L3MBTL4: variants seen among roughly 807,000 people sequenced by gnomAD.
The protein encoded by L3MBTL4 is L3MBTL histone methyl-lysine binding protein 4.
In L3MBTL4, 70 loss-of-function variants were observed where a neutral mutation model predicts 84.5. The observed-to-expected ratio is 0.83, with a 90% CI of 0.68 to 1.01. L3MBTL4 has a LOEUF of 1.01. Ranked by LOEUF, L3MBTL4 falls within the 50% of genes least tolerant of loss-of-function variation. The pLI is 0.00. For synonymous variants in L3MBTL4, 274 were observed against 259.8 expected, an observed-to-expected ratio of 1.05 and a Z score of -0.52; for missense variants, 715 against 754.8, an observed-to-expected ratio of 0.95 and a Z score of 0.62.
At chr18:5,998,460 C>T (rs2054075400) in intron 16 of L3MBTL4, among the ~76,000 whole-genome samples, 1 of 152,148 alleles carries the variant, frequency 6.6e-6, no homozygotes, top group Non-Finnish European at 1.5e-5. Flanking sequence ...CCTGGAGGGG[C>T]CCTTCAGGAA....
intron 16 of L3MBTL4, among the ~76,000 whole-genome samples, chr18:6,052,790 G>C (rs1051113540): frequency 1.3e-5 from 2 of 152,164 alleles, no homozygotes; most frequent in African/African-American, 4.8e-5. Context: ...TAGGCTAATG[G>C]ACATAAAGAA....
intron 1 of L3MBTL4, among the ~76,000 whole-genome samples, chr18:6,332,583 T>C (rs747465573): frequency 2.6e-5 from 4 of 152,222 alleles, no homozygotes; most frequent in African/African-American, 4.8e-5. Context: ...AGAAATACTG[T>C]GCAGAAGAAC....
chr18:5,969,036 C>T lies in L3MBTL4; in HGVS notation c.1614+357G>A, dbSNP rs2052498371. Among the ~76,000 whole-genome samples, 4 of 152,220 alleles carry T rather than the reference C, an allele frequency of 2.6e-5. No homozygotes were observed. In the South Asian group the frequency reaches 8.3e-4, roughly 32 times the overall value. Reference sequence around the variant, plus strand: ...GAGCACACGTGCCTAGGATGCAAGCCTCAGATGCTTGCACATTTGTGCTTG... The same window carrying T: ...GAGCACACGTGCCTAGGATGCAAGCTTCAGATGCTTGCACATTTGTGCTTG... On this transcript the variant is annotated intron_variant, in intron 17 of 18. Transcript: ENST00000317931.
At chr18:6,045,376 T>A (rs528500444) in intron 16 of L3MBTL4, among the ~76,000 whole-genome samples, 3 of 152,196 alleles carry the variant, frequency 2.0e-5, no homozygotes, top group Non-Finnish European at 4.4e-5. Flanking sequence ...CAAGAGATCC[T>A]TAAGGAAGGT....
At chr18:6,172,038 T>G in intron 12 of L3MBTL4, 96 bp from the exon 13 acceptor site, 1 of 583,742 alleles carries the variant, frequency 1.7e-6, no homozygotes, top group South Asian at 2.4e-5. Flanking sequence ...AAGCTGAGAT[T>G]GAAATTTTAT....
intron 16 of L3MBTL4, among the ~76,000 whole-genome samples, chr18:6,006,986 A>C (rs1012199835): frequency 1.3e-5 from 2 of 152,164 alleles, no homozygotes; most frequent in African/African-American, 4.8e-5. Flanking sequence ...TACAACCCAT[A>C]AAAAAAGTTG....
At chr18:6,012,440 T>C (rs894979241) in intron 16 of L3MBTL4, among the ~76,000 whole-genome samples, 10 of 152,176 alleles carry the variant, frequency 6.6e-5, no homozygotes, top group African/African-American at 2.4e-4. Context: ...ACATCAGATT[T>C]TAATGTCAGT....
chr18:6,027,458 C>T (rs995703267), intron 16 of L3MBTL4, among the ~76,000 whole-genome samples: 2 of 152,144 alleles, frequency 1.3e-5, no homozygotes, highest in East Asian at 3.9e-4. Flanking sequence ...TGGGTTGGTT[C>T]TAAGTCTTTG....
chr18:5,982,015 G>A (rs78283012), intron 16 of L3MBTL4, among the ~76,000 whole-genome samples: 1 of 146,836 alleles, frequency 6.8e-6, no homozygotes, highest in African/African-American at 2.5e-5. Context: ...TGTGTTTTGG[G>A]AAAAAAAAGG....
At chr18:6,159,833 A>C (rs77347500) in intron 13 of L3MBTL4, among the ~76,000 whole-genome samples, 3,003 of 152,328 alleles carry the variant, frequency 0.02, 93 homozygotes, top group African/African-American at 0.068. Flanking sequence ...TAAAAAATGA[A>C]TATTTTGTCT....
chr18:6,193,786 T>C (rs2045243849), intron 12 of L3MBTL4, among the ~76,000 whole-genome samples: 1 of 152,154 alleles, frequency 6.6e-6, no homozygotes, highest in African/African-American at 2.4e-5. Context: ...ACTGGAGAGA[T>C]TGAGTCATAG....
intron 4 of L3MBTL4, among the ~76,000 whole-genome samples, chr18:6,290,370 A>G (rs1021134308): frequency 1.3e-5 from 2 of 150,060 alleles, no homozygotes; most frequent in Admixed American, 6.6e-5. Context: ...TAGGTTTTTG[A>G]TTACTTAAAA....
intron 1 of L3MBTL4, among the ~76,000 whole-genome samples, chr18:6,386,500 G>C (rs377219457): frequency 6.6e-6 from 1 of 152,222 alleles, no homozygotes; most frequent in Non-Finnish European, 1.5e-5. Context: ...CAAAGTTCCA[G>C]TCTTCACAGA....
At chr18:6,155,418 G>C (rs2043061529) in intron 13 of L3MBTL4, among the ~76,000 whole-genome samples, 1 of 152,190 alleles carries the variant, frequency 6.6e-6, no homozygotes. Context: ...CTTTGTATCT[G>C]CAACACCTAG....
At chr18:5,984,522 T>C (rs2053382823) in intron 16 of L3MBTL4, among the ~76,000 whole-genome samples, 1 of 152,240 alleles carries the variant, frequency 6.6e-6, no homozygotes, top group South Asian at 2.1e-4. Context: ...ATATGCTTAA[T>C]TATGTTGCTG....
At chr18:6,199,346 A>T (rs550427602) in intron 12 of L3MBTL4, among the ~76,000 whole-genome samples, 47 of 152,238 alleles carry the variant, frequency 3.1e-4, no homozygotes, top group African/African-American at 1.1e-3. Context: ...AATTCATTAA[A>T]CTCAACTGAA....
rs182155277 is a variant in L3MBTL4 at position 6,183,276 on chromosome 18, G to A, written c.982-11334C>T. On this transcript the variant is annotated intron_variant, in intron 12 of 18. Transcript: ENST00000317931. ...AAGAAAAACCTCCTTCATAACCAGT[G>A]TAAAGACAAATGATCTCCAAATCAG... is the stretch of plus-strand genomic sequence containing the variant. Among the ~76,000 whole-genome samples, 40 of 152,282 alleles carry A rather than the reference G, an allele frequency of 2.6e-4. 1 individual carries two copies. Among genetic ancestry groups the A allele is most frequent in the African/African-American group, 8.7e-4 (36 of 41,564 alleles).
chr18:6,149,666 C>T (rs1598913209), intron 13 of L3MBTL4, among the ~76,000 whole-genome samples: 1 of 152,194 alleles, frequency 6.6e-6, no homozygotes, highest in Non-Finnish European at 1.5e-5. Flanking sequence ...GACCCACCAA[C>T]AGTGCAAAAA....
chr18:6,098,543 G>A (rs541387392), intron 14 of L3MBTL4, among the ~76,000 whole-genome samples: 40 of 152,330 alleles, frequency 2.6e-4, no homozygotes, highest in African/African-American at 9.4e-4. Context: ...AGTATTTCGG[G>A]AAGAGTGTCA....
Sources: gnomAD v4.1 joint callset for allele counts (sites outside exome capture counted in the v4.1 genomes callset) on GRCh38, gnomAD v4.1.1 for gene constraint, MANE v1.5 for transcripts, NCBI Gene and HGNC (gene_info 2026-07-23, HGNC 2026-07-21) for gene names.